Variants in NXPH1 observed in about 807,000 individuals in gnomAD.
NXPH1 encodes the protein neurexophilin-1.
NXPH1 carries 5 observed loss-of-function variants against 23.7 expected under a neutral mutation model. The ratio of observed to expected loss-of-function variants is 0.21; its 90% confidence interval spans 0.11 to 0.44. The LOEUF (loss-of-function observed/expected upper bound fraction) is 0.44, where lower values mean the gene tolerates loss of function less well. Ranked by LOEUF, NXPH1 falls within the 20% of genes least tolerant of loss-of-function variation. The probability of loss-of-function intolerance (pLI) is 0.99; values close to 1 mark genes in which losing one functional copy is unlikely to be tolerated. For missense variants in NXPH1, 324 were observed against 321.6 expected (o/e 1.01, Z -0.06); for synonymous variants, 144 against 122.2 (o/e 1.18, Z -1.18).
At chr7:8,739,293 T>C (rs1780321468) in intron 2 of NXPH1, among the ~76,000 whole-genome samples, 1 of 148,348 alleles carries the variant, frequency 6.7e-6, no homozygotes, top group South Asian at 2.2e-4. Context: ...CCCGAGGGAA[T>C]CTCCTGGTCT....
chr7:8,585,766 T>C (rs1818967064), intron 2 of NXPH1, among the ~76,000 whole-genome samples: 1 of 152,190 alleles, frequency 6.6e-6, no homozygotes. Context: ...TCTTAAGTGA[T>C]TGGGCAGGGC....
At chr7:8,569,338 T>A (rs1380492055) in intron 2 of NXPH1, among the ~76,000 whole-genome samples, 1 of 151,918 alleles carries the variant, frequency 6.6e-6, no homozygotes, top group Non-Finnish European at 1.5e-5. Context: ...TATACGTTGT[T>A]AGGATTTAAA....
chr7:8,543,948 C>G (rs1011262318), intron 2 of NXPH1, among the ~76,000 whole-genome samples: 1 of 151,492 alleles, frequency 6.6e-6, no homozygotes, highest in African/African-American at 2.4e-5. Flanking sequence ...TCGGTTCTCT[C>G]TTATTTTTTC....
At chr7:8,517,074 G>A (rs1817697855) in intron 2 of NXPH1, among the ~76,000 whole-genome samples, 1 of 152,160 alleles carries the variant, frequency 6.6e-6, no homozygotes, top group South Asian at 2.1e-4. Context: ...CACCTACTAT[G>A]TTCCAGGCAT....
intron 2 of NXPH1, among the ~76,000 whole-genome samples, chr7:8,687,570 A>C (rs888633209): frequency 3.9e-5 from 6 of 152,148 alleles, no homozygotes; most frequent in Non-Finnish European, 7.4e-5. Context: ...CTGAACATGC[A>C]TGGGTACAAA....
intron 2 of NXPH1, among the ~76,000 whole-genome samples, chr7:8,611,443 C>T (rs1438570941): frequency 1.3e-5 from 2 of 152,064 alleles, no homozygotes; most frequent in Non-Finnish European, 2.9e-5. Flanking sequence ...AAGAAATGAG[C>T]ATAAAGTAAG....
intron 2 of NXPH1, among the ~76,000 whole-genome samples, chr7:8,610,934 C>T (rs1819603760): frequency 6.6e-6 from 1 of 152,016 alleles, no homozygotes; most frequent in Non-Finnish European, 1.5e-5. Context: ...GAGGGTATCA[C>T]CAATGGAATA....
intron 2 of NXPH1, among the ~76,000 whole-genome samples, chr7:8,581,061 C>T (rs1818859472): frequency 6.6e-6 from 1 of 152,182 alleles, no homozygotes; most frequent in Admixed American, 6.5e-5. Flanking sequence ...TTACATTCAC[C>T]TTCCACCTCT....
chr7:8,541,732 G>C (rs542041669), intron 2 of NXPH1, among the ~76,000 whole-genome samples: 2 of 151,506 alleles, frequency 1.3e-5, no homozygotes, highest in East Asian at 3.9e-4. Context: ...TGCCAGAAGG[G>C]GGAAAATGGA....
chr7:8,601,598 T>C lies in NXPH1; in HGVS notation c.55-149410T>C, dbSNP rs181543624. On this transcript the variant is annotated intron_variant, in intron 2 of 2. Transcript: ENST00000405863. ...TTGACCCTTGTCCTCACCAAAGTTATGCTTGAATCGTCTTTCATTGAAAAT... is the reference window on the plus strand; with the variant it reads ...TTGACCCTTGTCCTCACCAAAGTTACGCTTGAATCGTCTTTCATTGAAAAT... Among the ~76,000 whole-genome samples, 19 of 152,312 alleles carry C rather than the reference T, an allele frequency of 1.2e-4. No individual in the cohort carries two copies. In the East Asian group the frequency reaches 3.3e-3, roughly 26 times the overall value.
At chr7:8,580,999 T>C (rs138187111) in intron 2 of NXPH1, among the ~76,000 whole-genome samples, 1 of 152,296 alleles carries the variant, frequency 6.6e-6, no homozygotes, top group East Asian at 1.9e-4. Flanking sequence ...TGAGAAATGC[T>C]AAATCCCTGA....
At chr7:8,460,574 A>C (rs1225372172) in intron 2 of NXPH1, among the ~76,000 whole-genome samples, 3 of 152,216 alleles carry the variant, frequency 2.0e-5, no homozygotes, top group African/African-American at 4.8e-5. Context: ...TTCAATGAGA[A>C]GGCTATCTTT....
At chr7:8,662,250 G>A (rs1239982532) in intron 2 of NXPH1, among the ~76,000 whole-genome samples, 3 of 151,604 alleles carry the variant, frequency 2.0e-5, no homozygotes, top group African/African-American at 7.3e-5. Context: ...TGTATAGCTT[G>A]ATATTTGTTT....
intron 2 of NXPH1, among the ~76,000 whole-genome samples, chr7:8,456,379 C>A (rs78702210): frequency 6.6e-6 from 1 of 152,138 alleles, no homozygotes; most frequent in Non-Finnish European, 1.5e-5. Flanking sequence ...TCTAATGTTA[C>A]AATAATTTCA....
intron 2 of NXPH1, among the ~76,000 whole-genome samples, chr7:8,598,913 A>C (rs1217710599): frequency 6.6e-6 from 1 of 152,154 alleles, no homozygotes; most frequent in Non-Finnish European, 1.5e-5. Flanking sequence ...TGTCTGTAGC[A>C]ATGCAAAATC....
intron 2 of NXPH1, among the ~76,000 whole-genome samples, chr7:8,530,637 G>A (rs980225668): frequency 6.6e-6 from 1 of 152,200 alleles, no homozygotes; most frequent in Non-Finnish European, 1.5e-5. Flanking sequence ...AACTTGCCTG[G>A]AGGGGCATGA....
intron 2 of NXPH1, among the ~76,000 whole-genome samples, chr7:8,506,386 G>A (rs2128613284): frequency 6.6e-6 from 1 of 152,146 alleles, no homozygotes; most frequent in East Asian, 1.9e-4. Flanking sequence ...TTATAAAATG[G>A]GGATGCTATT....
chr7:8,591,688 T>G (rs1053992956), intron 2 of NXPH1, among the ~76,000 whole-genome samples: 1 of 152,038 alleles, frequency 6.6e-6, no homozygotes, highest in African/African-American at 2.4e-5. Context: ...CTTTAACATA[T>G]AGAAGTTTTA....
chr7:8,726,284 T>C (rs1308653840), intron 2 of NXPH1, among the ~76,000 whole-genome samples: 1 of 152,106 alleles, frequency 6.6e-6, no homozygotes, highest in Non-Finnish European at 1.5e-5. Flanking sequence ...TTTTTCTTTT[T>C]TTTTTTTTAC....
Sources: gnomAD v4.1 joint callset for allele counts (sites outside exome capture counted in the v4.1 genomes callset) on GRCh38, gnomAD v4.1.1 for gene constraint, MANE v1.5 for transcripts, NCBI Gene and HGNC (gene_info 2026-07-23, HGNC 2026-07-21) for gene names.